Variants in PDK3 observed in about 807,000 individuals in gnomAD.
The protein encoded by PDK3 is pyruvate dehydrogenase kinase 3.
PDK3 carries 12 observed loss-of-function variants against 32.0 expected under a neutral mutation model. The ratio of observed to expected loss-of-function variants is 0.37; its 90% CI spans 0.24 to 0.61. PDK3 has a LOEUF of 0.61. PDK3 is among the 20% of genes least tolerant of loss of function. The pLI is 0.65. For synonymous variants in PDK3, 122 were observed against 116.3 expected, an observed-to-expected ratio of 1.05 and a Z score of -0.31; for missense variants, 188 against 316.9, an observed-to-expected ratio of 0.59 and a Z score of 3.09.
intron 6 of PDK3, among the ~76,000 whole-genome samples, chrX:24,525,696 G>C (rs191965392): frequency 2.4e-4 from 27 of 112,138 alleles, no homozygotes; most frequent in African/African-American, 9.7e-5. Context: ...TTGAGAAAAA[G>C]TTATGTGAAC....
At chrX:24,475,079 GA>G (rs1348761676) in intron 1 of PDK3, among the ~76,000 whole-genome samples, 1 of 111,808 alleles carries the variant, frequency 8.9e-6, no homozygotes, top group Non-Finnish European at 1.9e-5. Flanking sequence ...CGTTCTTGGA[GA>G]AAATGGAAAG....
At chrX:24,482,933 G>A (rs1215516373) in intron 1 of PDK3, among the ~76,000 whole-genome samples, 2 of 112,446 alleles carry the variant, frequency 1.8e-5, no homozygotes, top group African/African-American at 3.2e-5. Flanking sequence ...GATTGAGAAC[G>A]TATGGCATAG....
At chrX:24,496,138 A>G (rs936161384) in intron 2 of PDK3, among the ~76,000 whole-genome samples, 3 of 111,360 alleles carry the variant, frequency 2.7e-5, no homozygotes, top group East Asian at 2.8e-4. Flanking sequence ...TAAACATTCT[A>G]TTTTGAAATA....
rs1271764159 is a variant in PDK3 at position 24,468,827 on chromosome X, C to T, written c.106+3266C>T. ...TAATTTATTATGGCAATAGTACATT[C>T]CAAAGGGTGGCATTTTTTAAAATGA... On this transcript the variant is annotated intron_variant, in intron 1 of 10. Coordinates refer to ENST00000379162, the MANE Select transcript of PDK3 (RefSeq NM_005391.5). Among the ~76,000 whole-genome samples, 5 of 112,102 alleles carry T rather than the reference C, an allele frequency of 4.5e-5. No individual in the cohort carries two copies. The East Asian group carries it at 1.4e-3, about 31-fold the overall frequency.
chrX:24,503,694 A>G (rs1018984173), intron 4 of PDK3, among the ~76,000 whole-genome samples, 183 bp downstream of exon 4: 1 of 112,114 alleles, frequency 8.9e-6, no homozygotes, highest in Non-Finnish European at 1.9e-5. Flanking sequence ...GGTTAAAAGA[A>G]ATGTTTGAAA....
intron 6 of PDK3, among the ~76,000 whole-genome samples, chrX:24,524,320 A>G (rs1241406354): frequency 8.9e-6 from 1 of 112,143 alleles, no homozygotes; most frequent in Non-Finnish European, 1.9e-5. Context: ...TGCAGTAGGT[A>G]TGGAAGCTGG....
intron 1 of PDK3, among the ~76,000 whole-genome samples, chrX:24,468,698 T>A (rs961905521): frequency 2.7e-5 from 3 of 112,565 alleles, no homozygotes; most frequent in African/African-American, 9.7e-5. Context: ...TCTCTATGCT[T>A]TTTAAAATAA....
At chrX:24,526,665 C>T (rs745362034) in intron 7 of PDK3, among the ~76,000 whole-genome samples, 1 of 112,049 alleles carries the variant, frequency 8.9e-6, no homozygotes, top group Admixed American at 9.5e-5. Context: ...ATTAACCACA[C>T]TGGTACATTA....
At chrX:24,541,833 C>G (rs748431892) in exon 12 of PDK3, among the ~76,000 whole-genome samples, 16 of 112,392 alleles carry the variant, frequency 1.4e-4, no homozygotes, top group Non-Finnish European at 2.6e-4. Context: ...AGACATGGAC[C>G]CTTTTTCAGC....
At chrX:24,545,355 T>A (rs1032025968) in exon 12 of PDK3, among the ~76,000 whole-genome samples, 4 of 112,265 alleles carry the variant, frequency 3.6e-5, no homozygotes, top group African/African-American at 1.3e-4. Flanking sequence ...TGAATACATA[T>A]TCACATGGTT....
intron 5 of PDK3, 89 bp downstream of exon 5, chrX:24,505,387 T>A (rs1426763197): frequency 1.7e-6 from 1 of 596,972 alleles, no homozygotes; most frequent in Non-Finnish European, 2.7e-6. Flanking sequence ...TATTTTGCAG[T>A]GCAGTCTGCT....
At chrX:24,466,900 T>C (rs891527127) in intron 1 of PDK3, among the ~76,000 whole-genome samples, 1 of 112,121 alleles carries the variant, frequency 8.9e-6, no homozygotes, top group Middle Eastern at 4.2e-3. Flanking sequence ...TCCATCTTTA[T>C]GGTTTAGGGA....
chrX:24,520,899 G>C (rs1319848084), intron 6 of PDK3, among the ~76,000 whole-genome samples: 1 of 110,032 alleles, frequency 9.1e-6, no homozygotes, highest in Non-Finnish European at 1.9e-5. Context: ...GGGGAGGGTG[G>C]AAAAATTTGT....
chrX:24,519,833 C>G (rs929841976), intron 6 of PDK3, among the ~76,000 whole-genome samples: 1 of 111,717 alleles, frequency 9.0e-6, no homozygotes, highest in Non-Finnish European at 1.9e-5. Context: ...TCTATTTGGC[C>G]CAGTAAATAA....
intron 1 of PDK3, among the ~76,000 whole-genome samples, chrX:24,474,602 C>T (rs1416420676): frequency 1.8e-5 from 2 of 109,027 alleles, no homozygotes; most frequent in Admixed American, 9.8e-5. Context: ...TTAGCAGAGA[C>T]GGGGTTTCAC....
At chrX:24,486,161 G>A (rs921655299) in intron 1 of PDK3, among the ~76,000 whole-genome samples, 1 of 111,240 alleles carries the variant, frequency 9.0e-6, no homozygotes, top group African/African-American at 3.3e-5. Flanking sequence ...CTAATTGATT[G>A]TGGCAGACTA....
At chrX:24,488,616 G>T (rs1015429777) in intron 1 of PDK3, among the ~76,000 whole-genome samples, 1 of 111,905 alleles carries the variant, frequency 8.9e-6, no homozygotes, top group African/African-American at 3.3e-5. Flanking sequence ...TTGAACTCAG[G>T]AGGTGGAGGT....
At chrX:24,473,378 AAAAC>A (rs1467359755) in intron 1 of PDK3, among the ~76,000 whole-genome samples, 243 of 109,944 alleles carry the variant, frequency 2.2e-3, no homozygotes, top group Middle Eastern at 9.2e-3. Context: ...CTCAAAAAAC[AAAAC>A]AAACAAACAA....
At chrX:24,483,998 C>T (rs765885086) in intron 1 of PDK3, among the ~76,000 whole-genome samples, 1 of 108,703 alleles carries the variant, frequency 9.2e-6, no homozygotes, top group East Asian at 2.9e-4. Flanking sequence ...TGTGAGCCAC[C>T]GCACCCAGCC....
Sources: allele counts gnomAD v4.1 joint callset (sites outside exome capture counted in the v4.1 genomes callset), GRCh38; gene constraint gnomAD v4.1.1; transcripts MANE v1.5; gene names NCBI Gene and HGNC (gene_info 2026-07-23, HGNC 2026-07-21).